Variants in TM4SF19 observed in about 807,000 individuals in gnomAD.
TM4SF19 encodes the protein transmembrane 4 L6 family member 19.
Under a neutral mutation model 21.8 loss-of-function variants are expected in TM4SF19, and 17 were observed. The observed-to-expected ratio is 0.78, with a 90% CI of 0.53 to 1.17. The LOEUF is 1.17. Ranked by LOEUF, TM4SF19 falls within the 50% of genes most tolerant of loss-of-function variation. The pLI is 0.00. For missense variants in TM4SF19, 216 were observed against 252.1 expected (o/e 0.86, Z 0.97); for synonymous variants, 107 against 106.7 (o/e 1.00, Z -0.02).
At chr3:196,337,686 G>A (rs891163046) in intron 1 of TM4SF19, among the ~76,000 whole-genome samples, 2 of 152,302 alleles carry the variant, frequency 1.3e-5, no homozygotes, top group South Asian at 4.1e-4. Flanking sequence ...CGGCAGGCAG[G>A]CGCCAAGTCA....
intron 3 of TM4SF19, among the ~76,000 whole-genome samples, chr3:196,326,545 G>C (rs1041115384): frequency 6.6e-6 from 1 of 152,142 alleles, no homozygotes; most frequent in Non-Finnish European, 1.5e-5. Flanking sequence ...CTAGTGATTA[G>C]ATGATCTCTG....
Position 196,323,781 on chromosome 3 carries a change from G to A in TM4SF19, c.*36C>T. 1 of 1,614,120 alleles carries A rather than the reference G, an allele frequency of 6.2e-7. No homozygotes were observed. On this transcript the variant is annotated 3_prime_UTR_variant, in exon 5 of 5. Transcript: ENST00000273695. ...GAAAGGATTCAAGACAGCCGATGAT[G>A]AAAACACCCATGCTTGCAAGTGAAG...
chr3:196,323,833 C>G lies in TM4SF19; in HGVS notation c.614G>C (p.Ser205Thr). The G allele has an allele frequency of 6.2e-7, 1 of 1,614,160 alleles. No homozygotes were observed. The highest frequency in any genetic ancestry group is 2.2e-5 in the East Asian group (1 of 44,882). Residue 205 changes from serine (S) to threonine (T), a missense_variant, in exon 5 of 5, where the codon AGC (serine) becomes ACC (threonine). Transcript: ENST00000273695. ...TTCTGCCTGTCACTTCTCGCAGAGG[C>G]TGCAGAAAAGGCCCAGGAGGCTGTT... The part of the protein sequence containing the change: ...VINSLLGLFC[S>T]LCEK
chr3:196,325,670 A>C lies in TM4SF19; in HGVS notation c.280-1230T>G, dbSNP rs548839372. 6.6e-6 allele frequency: 1 copy of C among 152,332 alleles called. No homozygotes were observed. The highest frequency in any genetic ancestry group is 2.4e-5 in the African/African-American group (1 of 41,570). The allele number at this position is 152,332 out of a possible 1,614,324, so 9.4% of individuals were successfully genotyped here. Reference sequence around the variant, plus strand: ...GGGGAGGGATCAGACAAAGGTGCATAGTAAGTTTTGACTCTGAGTTAAAGG... The same window carrying C: ...GGGGAGGGATCAGACAAAGGTGCATCGTAAGTTTTGACTCTGAGTTAAAGG... On this transcript the variant is annotated intron_variant, in intron 3 of 4. Coordinates refer to ENST00000273695, the MANE Select transcript of TM4SF19 (RefSeq NM_138461.4). The surrounding 1 kb of genome is among the most constrained non-coding windows in gnomAD (Gnocchi z 4.3).
intron 3 of TM4SF19, among the ~76,000 whole-genome samples, chr3:196,326,014 G>A (rs988314860): frequency 2.6e-5 from 4 of 152,082 alleles, no homozygotes; most frequent in Non-Finnish European, 5.9e-5. Context: ...TCGCTCTGTC[G>A]CCCAGGCTGG....
chr3:196,333,620 G>C (rs1168588530), intron 1 of TM4SF19, among the ~76,000 whole-genome samples: 1 of 152,076 alleles, frequency 6.6e-6, no homozygotes, highest in African/African-American at 2.4e-5. Flanking sequence ...GGAGGGCCAG[G>C]GCTGAAAAAC....
intron 1 of TM4SF19, among the ~76,000 whole-genome samples, chr3:196,329,658 C>A (rs531225492): frequency 8.4e-6 from 1 of 118,872 alleles, no homozygotes; most frequent in Admixed American, 1.0e-4. Context: ...CAAGAGCAAG[C>A]GACTCCATCT....
At chr3:196,328,610 G>A (rs1727396802) in intron 1 of TM4SF19, among the ~76,000 whole-genome samples, 1 of 152,124 alleles carries the variant, frequency 6.6e-6, no homozygotes, top group South Asian at 2.1e-4. Context: ...AATAAATGGA[G>A]ACATATACCA....
In TM4SF19 at chr3:196,336,862, TA is replaced by T. The variant is rs1727780313; in HGVS notation, c.-2+1401del. 4.6e-5 allele frequency among the ~76,000 whole-genome samples: 7 copies of T among 152,300 alleles called. No homozygotes were observed. The South Asian group carries it at 1.5e-3, about 32-fold the overall frequency. ...ATGGAGGAAGAGACCGCACATTCTC[TA>T]CATCTGTGTCTCTCCCTCGCCACCC... On this transcript the variant is annotated intron_variant, in intron 1 of 4. Transcript: ENST00000273695.
At position 196,327,512 on chromosome 3, in the gene TM4SF19, GGGCTGCAGTCCCAA is replaced by G; in HGVS notation, c.65_78del (p.Leu22ProfsTer14). 1 of 1,614,146 alleles carries G rather than the reference GGGCTGCAGTCCCAA, an allele frequency of 6.2e-7. No individual in the cohort carries two copies. The highest frequency in any genetic ancestry group is 8.5e-7 in the Non-Finnish European group (1 of 1,180,050). On this transcript the variant is annotated frameshift_variant, in exon 2 of 5. Transcript: ENST00000273695. LOFTEE classifies it high-confidence loss of function. ...GCCACGTTGGCCCCAGCAGCAAACA[GGGCTGCAGTCCCAA>G]GGCTCAGTCCCAGGATACGGGAGCA...
chr3:196,336,823 A>G (rs1407905212), intron 1 of TM4SF19, among the ~76,000 whole-genome samples: 1 of 152,156 alleles, frequency 6.6e-6, no homozygotes, highest in Non-Finnish European at 1.5e-5. Context: ...AACAGAAGTG[A>G]TCGGCTCAAT....
chr3:196,337,383 G>A (rs1202739392), intron 1 of TM4SF19, among the ~76,000 whole-genome samples: 1 of 152,038 alleles, frequency 6.6e-6, no homozygotes, highest in African/African-American at 2.4e-5. Context: ...ATGGCCAGGC[G>A]GTTGTTACAC....
chr3:196,331,283 A>AT (rs1560204214), intron 1 of TM4SF19, among the ~76,000 whole-genome samples: 42 of 143,964 alleles, frequency 2.9e-4, no homozygotes, highest in East Asian at 2.4e-3. Flanking sequence ...TCTAAAAAAA[A>AT]AATATATATA....
At chr3:196,324,171 G>T (rs775883897) in intron 4 of TM4SF19, 100 bp downstream of exon 4, 1 of 1,480,452 alleles carries the variant, frequency 6.8e-7, no homozygotes, top group South Asian at 1.2e-5. Context: ...AAGATGCTAG[G>T]ATGTGTGACC....
chr3:196,333,264 G>A (rs1203063559), intron 1 of TM4SF19, among the ~76,000 whole-genome samples: 21 of 152,214 alleles, frequency 1.4e-4, no homozygotes, highest in Non-Finnish European at 2.9e-5. Flanking sequence ...CTAGAAACCT[G>A]TCGTAAAGTT....
At chr3:196,324,082 C>A (rs1434091018) in intron 4 of TM4SF19, 85 bp from the exon 5 acceptor site, 4 of 1,536,236 alleles carry the variant, frequency 2.6e-6, no homozygotes, top group Non-Finnish European at 3.6e-6. Context: ...CTGGGGTCTC[C>A]CCTGACCGGG....
chr3:196,324,205 T>C, intron 4 of TM4SF19, 66 bp downstream of exon 4: 1 of 1,567,116 alleles, frequency 6.4e-7, no homozygotes, highest in Non-Finnish European at 8.7e-7. Context: ...AGTTCGTCTG[T>C]GTGTCTTTTT....
chr3:196,330,365 G>A (rs1371123032), intron 1 of TM4SF19, among the ~76,000 whole-genome samples: 2 of 152,102 alleles, frequency 1.3e-5, no homozygotes, highest in East Asian at 3.9e-4. Flanking sequence ...TGTAATTAAT[G>A]TCACTGAATT....
At chr3:196,332,612 T>TACACAC (rs145852836) in intron 1 of TM4SF19, among the ~76,000 whole-genome samples, 1 of 148,800 alleles carries the variant, frequency 6.7e-6, no homozygotes, top group African/African-American at 2.5e-5. Context: ...TGTGTGTACG[T>TACACAC]ACACACACAC....
Sources: gnomAD v4.1 joint callset for allele counts (sites outside exome capture counted in the v4.1 genomes callset) on GRCh38, gnomAD v4.1.1 for gene constraint, Gnocchi (gnomAD v3.1) non-coding constraint, MANE v1.5 for transcripts, NCBI Gene and HGNC (gene_info 2026-07-23, HGNC 2026-07-21) for gene names.